The following PHACTR3 variants were observed in gnomAD, a reference collection of about 807,000 sequenced individuals.
PHACTR3 encodes the protein phosphatase and actin regulator 3.
PHACTR3 carries 16 observed loss-of-function variants against 66.8 expected under a neutral mutation model. The observed-to-expected ratio is 0.24, with a 90% confidence interval of 0.16 to 0.36. The LOEUF is 0.36. Among genes scored for constraint, PHACTR3 ranks in the 10% least tolerant of loss-of-function variants. The pLI, the probability that PHACTR3 is intolerant of heterozygous loss-of-function variation, is 1.00. For synonymous variants in PHACTR3, 323 were observed against 292.1 expected (o/e 1.11, Z -1.08); for missense variants, 647 against 719.9 (o/e 0.90, Z 1.16).
chr20:59,708,115 G>A (rs117659268), intron 1 of PHACTR3, among the ~76,000 whole-genome samples: 2,753 of 152,294 alleles, frequency 0.018, 29 homozygotes, highest in Middle Eastern at 0.034. Context: ...GATTGGCCAG[G>A]CCTACCTCTG....
intron 1 of PHACTR3, among the ~76,000 whole-genome samples, chr20:59,583,616 T>C (rs1401581867): frequency 6.6e-6 from 1 of 152,338 alleles, no homozygotes; most frequent in East Asian, 1.9e-4. Flanking sequence ...GTGCTGGCTT[T>C]CCCGGAACCC....
chr20:59,628,606 C>T (rs2146385495), intron 1 of PHACTR3: 1 of 985,268 alleles, frequency 1.0e-6, no homozygotes, highest in East Asian at 1.1e-4. Flanking sequence ...TGACAAAATT[C>T]ACAAAAACAC....
chr20:59,739,084 G>T (rs1285268246), intron 1 of PHACTR3, among the ~76,000 whole-genome samples: 2 of 152,210 alleles, frequency 1.3e-5, no homozygotes, highest in Non-Finnish European at 2.9e-5. Flanking sequence ...CTTGGGGAGA[G>T]GGTGGCCGGG....
chr20:59,631,125 A>G (rs571219251), intron 1 of PHACTR3, among the ~76,000 whole-genome samples: 10 of 152,214 alleles, frequency 6.6e-5, no homozygotes, highest in Non-Finnish European at 1.3e-4. Flanking sequence ...GAGAGAAGCC[A>G]TGCTCAGGGA....
chr20:59,733,036 G>A lies in PHACTR3; in HGVS notation c.119-10071G>A, dbSNP rs1430972675. ...TTAGGAATAGAGCCATAGGCATTTA[G>A]CAGTATTTTCTTCCCTTTTTTGAAT... On this transcript the variant is annotated intron_variant, in intron 1 of 12. Transcript: ENST00000371015. 4.0e-5 allele frequency among the ~76,000 whole-genome samples: 6 copies of A among 150,752 alleles called. No individual in the cohort carries two copies. In the East Asian group the frequency reaches 9.8e-4, roughly 25 times the overall value.
chr20:59,640,666 A>G (rs923550035), intron 1 of PHACTR3, among the ~76,000 whole-genome samples: 2 of 152,202 alleles, frequency 1.3e-5, no homozygotes, highest in Non-Finnish European at 2.9e-5. Flanking sequence ...AACCAGTAGT[A>G]GAGAAGGCAA....
At chr20:59,655,058 G>A (rs994802196) in intron 1 of PHACTR3, among the ~76,000 whole-genome samples, 6 of 151,874 alleles carry the variant, frequency 4.0e-5, no homozygotes, top group South Asian at 2.1e-4. Context: ...GTCCTTTTGC[G>A]GATCTATGTT....
chr20:59,635,156 T>TCCTTC (rs766620618), intron 1 of PHACTR3, among the ~76,000 whole-genome samples: 1 of 67,174 alleles, frequency 1.5e-5, no homozygotes, highest in Non-Finnish European at 2.8e-5. Context: ...TCTTTTTCTT[T>TCCTTC]CTTTCTTTCT....
chr20:59,722,784 A>C (rs1012189194), intron 1 of PHACTR3, among the ~76,000 whole-genome samples: 1 of 151,832 alleles, frequency 6.6e-6, no homozygotes, highest in South Asian at 2.1e-4. Context: ...GGGAGAGGTT[A>C]GCAAATACTC....
Position 59,828,100 on chromosome 20 carries a change from G to A in PHACTR3, c.1329-8405G>A, listed in dbSNP as rs59129802. 6.5e-3 allele frequency among the ~76,000 whole-genome samples: 992 copies of A among 152,304 alleles called. 7 individuals carry two copies. Among genetic ancestry groups the A allele is most frequent in the African/African-American group, 0.022 (928 of 41,562 alleles). ...GTCCCTGGGACACTCATGAGAGTCCGAAGCCTGTTTATGATGACCTGAGCC... is the reference window on the plus strand; with the variant it reads ...GTCCCTGGGACACTCATGAGAGTCCAAAGCCTGTTTATGATGACCTGAGCC... On this transcript the variant is annotated intron_variant, in intron 8 of 12. Transcript: ENST00000371015.
intron 7 of PHACTR3, among the ~76,000 whole-genome samples, chr20:59,778,057 C>A (rs2040598079): frequency 6.6e-6 from 1 of 152,178 alleles, no homozygotes; most frequent in African/African-American, 2.4e-5. Flanking sequence ...GTCCGGATGA[C>A]CCTGAAGTCC....
intron 2 of PHACTR3, among the ~76,000 whole-genome samples, chr20:59,744,542 G>A (rs190830277): frequency 1.2e-3 from 178 of 152,320 alleles, no homozygotes; most frequent in Non-Finnish European, 2.0e-3. Context: ...CTGAAGAGGC[G>A]CAGGCTCCAG....
chr20:59,628,766 C>T, intron 1 of PHACTR3: 1 of 985,520 alleles, frequency 1.0e-6, no homozygotes, highest in Non-Finnish European at 1.2e-6. Context: ...CCCTGGAAGG[C>T]TGGGAAGAGG....
chr20:59,627,783 A>C (rs1273968623), intron 1 of PHACTR3, among the ~76,000 whole-genome samples: 3 of 151,984 alleles, frequency 2.0e-5, no homozygotes, highest in African/African-American at 7.3e-5. Flanking sequence ...TTTTTTATTT[A>C]TCTCTCAATA....
chr20:59,734,459 C>T (rs925059212), intron 1 of PHACTR3, among the ~76,000 whole-genome samples: 37 of 152,064 alleles, frequency 2.4e-4, no homozygotes, highest in Middle Eastern at 3.4e-3. Context: ...GGTCTCACTA[C>T]GTTGCCCAGG....
chr20:59,655,602 CTTTAT>C (rs372852717), intron 1 of PHACTR3, among the ~76,000 whole-genome samples: 49 of 152,020 alleles, frequency 3.2e-4, no homozygotes, highest in African/African-American at 1.2e-3. Context: ...AGAACCAACT[CTTTAT>C]TTTATTGATT....
At chr20:59,776,721 G>A (rs112582270) in intron 7 of PHACTR3, among the ~76,000 whole-genome samples, 1,486 of 129,280 alleles carry the variant, frequency 0.011, 12 homozygotes, top group African/African-American at 0.03. Flanking sequence ...GGCCTGGCCC[G>A]GATATGACCT....
intron 9 of PHACTR3, among the ~76,000 whole-genome samples, chr20:59,838,115 G>A (rs528762096): frequency 6.6e-6 from 1 of 152,280 alleles, no homozygotes; most frequent in Non-Finnish European, 1.5e-5. Context: ...TAAACACTGT[G>A]CCTTCATCAG....
At chr20:59,817,367 G>A (rs945531572) in intron 8 of PHACTR3, among the ~76,000 whole-genome samples, 12 of 152,308 alleles carry the variant, frequency 7.9e-5, no homozygotes, top group African/African-American at 2.6e-4. Flanking sequence ...AGGTCCTTAG[G>A]CCCTCAGGTG....
Sources: gnomAD v4.1 joint callset for allele counts (sites outside exome capture counted in the v4.1 genomes callset) on GRCh38, gnomAD v4.1.1 for gene constraint, MANE v1.5 for transcripts, NCBI Gene and HGNC (gene_info 2026-07-23, HGNC 2026-07-21) for gene names.